Variants in STOX1 observed in about 807,000 individuals in gnomAD.
The protein encoded by STOX1 is storkhead box 1.
Under a neutral mutation model 74.8 loss-of-function variants are expected in STOX1, and 57 were observed. The ratio of observed to expected loss-of-function variants is 0.76; its 90% CI spans 0.62 to 0.95. The LOEUF is 0.95. STOX1 is among the 40% of genes least tolerant of loss of function. STOX1 has a pLI of 0.00. For synonymous variants in STOX1, 375 were observed against 401.3 expected, an observed-to-expected ratio of 0.93 and a Z score of 0.78; for missense variants, 1,010 against 1,117.0, an observed-to-expected ratio of 0.90 and a Z score of 1.37.
chr10:68,892,187 C>T (rs1841114149), intron 3 of STOX1, among the ~76,000 whole-genome samples: 1 of 151,974 alleles, frequency 6.6e-6, no homozygotes, highest in Non-Finnish European at 1.5e-5. Context: ...TAGAAAAGAA[C>T]ATTGTAATAT....
rs189378126 is a variant in STOX1, at chr10:68,845,302, C to A, written c.310+17369C>A. Among the ~76,000 whole-genome samples the A allele has an allele frequency of 4.9e-3, 629 of 128,998 alleles. 4 individuals are homozygous for A. Among genetic ancestry groups the A allele is most frequent in the African/African-American group, 0.017 (581 of 33,368 alleles). 84.6% of individuals were successfully genotyped at this position (128,998 alleles called of 152,430 possible). ...TTTTTTTTTTTTTTTGAGATGGAAT[C>A]TTGCTCTGTCACCCAGGCTGGAGTG... On this transcript the variant is annotated intron_variant, in intron 1 of 3. Coordinates refer to ENST00000298596, the MANE Select transcript of STOX1 (RefSeq NM_152709.5).
chr10:68,858,083 T>G (rs923769858), intron 1 of STOX1, among the ~76,000 whole-genome samples: 8 of 152,088 alleles, frequency 5.3e-5, no homozygotes, highest in Non-Finnish European at 7.4e-5. Context: ...GGGGTTAGGT[T>G]GTTGTGTCAG....
intron 2 of STOX1, among the ~76,000 whole-genome samples, chr10:68,882,873 T>C (rs1045551272): frequency 6.6e-6 from 1 of 152,180 alleles, no homozygotes; most frequent in South Asian, 2.1e-4. Flanking sequence ...GATCTTTCCA[T>C]GCTAACATAT....
chr10:68,838,066 T>C lies in STOX1; in HGVS notation c.310+10133T>C, dbSNP rs559529130. On this transcript the variant is annotated intron_variant, in intron 1 of 3. Transcript: ENST00000298596. ...TTGTTTTCATTTCGTTTCTTTTTTT[T>C]TTTTCTTTTTTCCTTTTTGAGATAG... 2.6e-5 allele frequency among the ~76,000 whole-genome samples: 4 copies of C among 152,172 alleles called. No homozygotes were observed. The East Asian group carries it at 7.7e-4, about 29-fold the overall frequency.
In STOX1 at chr10:68,886,224, G is replaced by C. The variant is rs1318178957; in HGVS notation, c.2428G>C (p.Gly810Arg). 3.1e-6 allele frequency: 5 copies of C among 1,614,188 alleles called. No homozygotes were observed. The highest frequency in any genetic ancestry group is 1.7e-5 in the Admixed American group (1 of 60,020). The change falls in exon 3 of 4, where the codon GGT becomes CGT. Residue 810 changes from glycine (G) to arginine (R), a missense_variant. Coordinates refer to ENST00000298596, the MANE Select transcript of STOX1 (RefSeq NM_152709.5). ...YKPTGLHATP[G>R]ESQEPNLSAE... is the part of the protein sequence containing the mutation. ...ACCCACTGGGCTGCATGCTACCCCA[G>C]GTGAAAGCCAAGAACCTAACCTCTC... is the stretch of plus-strand genomic sequence containing the variant.
At chr10:68,872,054 C>T (rs993331134) in intron 1 of STOX1, among the ~76,000 whole-genome samples, 5 of 152,096 alleles carry the variant, frequency 3.3e-5, no homozygotes, top group East Asian at 3.9e-4. Flanking sequence ...TTTATTTGCA[C>T]GCTGTTGTCA....
In STOX1 at chr10:68,838,145, C is replaced by T. The variant is rs181622964; in HGVS notation, c.310+10212C>T. 2.2e-4 allele frequency among the ~76,000 whole-genome samples: 33 copies of T among 151,716 alleles called. No individual in the cohort carries two copies. The East Asian group carries it at 6.0e-3, about 28-fold the overall frequency. ...GTCGTGGTGTGATCATGGCTCCCTGCAGCCTCGACCTCCCAGACTTAAGTG... is the reference window on the plus strand; with the variant it reads ...GTCGTGGTGTGATCATGGCTCCCTGTAGCCTCGACCTCCCAGACTTAAGTG... On this transcript the variant is annotated intron_variant, in intron 1 of 3. Transcript: ENST00000298596.
At chr10:68,894,445 G>A (rs149049621), downstream of STOX1, among the ~76,000 whole-genome samples, 6 of 152,304 alleles carry the variant, frequency 3.9e-5, no homozygotes, top group East Asian at 1.2e-3. Context: ...CAGTCCCTGT[G>A]GAAGTGCAAA....
intron 1 of STOX1, among the ~76,000 whole-genome samples, chr10:68,857,348 G>A (rs1018856437): frequency 1.3e-5 from 2 of 152,022 alleles, no homozygotes; most frequent in African/African-American, 4.8e-5. Context: ...TGAAAGGAGG[G>A]AGGAAGCATC....
intron 1 of STOX1, among the ~76,000 whole-genome samples, chr10:68,873,550 C>T (rs207471131): frequency 2.4e-5 from 3 of 124,866 alleles, no homozygotes; most frequent in South Asian, 2.8e-4. Context: ...CGTGAGCCAC[C>T]GCGCCTGGCC....
In STOX1 at chr10:68,827,627, G is replaced by A. The variant is rs1839290835; in HGVS notation, c.4G>A (p.Ala2Thr). MARPVQLAPGSL... is the reference protein window; with the variant it reads MTRPVQLAPGSL... ...GCTCCCGGCCGCCGGCGAAAGCATGGCCCGGCCCGTGCAGCTGGCGCCGGG... is the reference window on the plus strand; with the variant it reads ...GCTCCCGGCCGCCGGCGAAAGCATGACCCGGCCCGTGCAGCTGGCGCCGGG... The change falls in exon 1 of 4, where the codon GCC (alanine) becomes ACC (threonine). Residue 2 changes from alanine (A) to threonine (T), a missense_variant. Coordinates refer to ENST00000298596, the MANE Select transcript of STOX1 (RefSeq NM_152709.5). The A allele has an allele frequency of 1.7e-6, 2 of 1,148,964 alleles. No individual in the cohort carries two copies. Among genetic ancestry groups the A allele is most frequent in the Non-Finnish European group, 1.1e-6 (1 of 934,722 alleles). The allele number at this position is 1,148,964 out of a possible 1,614,324, so 71.2% of individuals were successfully genotyped here. A position where few individuals can be genotyped will look rare whatever the true frequency, so the allele number is the denominator to read the frequency against.
At position 68,852,609 on chromosome 10, in the gene STOX1, G is replaced by C. The variant is rs375151222; in HGVS notation, c.310+24676G>C. ...TCTTTTTTTTTTTTCTCCAAGACAG[G>C]GTCTCAATCTATTGCCCAGGCTGTA... On this transcript the variant is annotated intron_variant, in intron 1 of 3. Transcript: ENST00000298596. Among the ~76,000 whole-genome samples, 674 of 151,178 alleles carry C rather than the reference G, an allele frequency of 4.5e-3. 3 individuals are homozygous for C. The highest frequency in any genetic ancestry group is 0.02 in the Middle Eastern group (6 of 294).
In STOX1 at chr10:68,881,957, G is replaced by A. The variant is rs1321802863; in HGVS notation, c.311-1G>A. Reference sequence around the variant, plus strand: ...CCCTTTTTTTTAAATCTCCAATTTAGGTGATGTCTTTCCAGTGCAAATGAA... The same window carrying A: ...CCCTTTTTTTTAAATCTCCAATTTAAGTGATGTCTTTCCAGTGCAAATGAA... On this transcript the variant is annotated splice_acceptor_variant, in intron 1 of 3. Transcript: ENST00000298596. LOFTEE classifies it high-confidence loss of function. The A allele has an allele frequency of 1.9e-6, 3 of 1,611,468 alleles. No homozygotes were observed. Among genetic ancestry groups the A allele is most frequent in the East Asian group, 2.2e-5 (1 of 44,616 alleles).
chr10:68,846,150 T>TTATTATTAC (rs1274093009), intron 1 of STOX1, among the ~76,000 whole-genome samples: 1 of 145,894 alleles, frequency 6.9e-6, no homozygotes, highest in Non-Finnish European at 1.5e-5. Flanking sequence ...ATTATTATTA[T>TTATTATTAC]TATTATTATT....
At chr10:68,834,614 C>G (rs1449427257) in intron 1 of STOX1, among the ~76,000 whole-genome samples, 1 of 152,214 alleles carries the variant, frequency 6.6e-6, no homozygotes, top group Non-Finnish European at 1.5e-5. Context: ...TGTGGTAACC[C>G]ACATTCCTAG....
chr10:68,873,948 G>A (rs1182088886), intron 1 of STOX1, among the ~76,000 whole-genome samples: 2 of 126,724 alleles, frequency 1.6e-5, no homozygotes, highest in Non-Finnish European at 3.3e-5. Context: ...TGCACCCAGC[G>A]TTTTTGTTTG....
In STOX1 at chr10:68,867,961, G is replaced by C. The variant is rs532693473; in HGVS notation, c.311-13997G>C. 7.3e-5 allele frequency among the ~76,000 whole-genome samples: 11 copies of C among 151,664 alleles called. 1 individual carries two copies. In the South Asian group the frequency reaches 2.3e-3, roughly 31 times the overall value. ...ACTCAAATAAGCCTCATGCCTGTTC[G>C]ACCCTTGTCTTATTTTTACCCTGAT... On this transcript the variant is annotated intron_variant, in intron 1 of 3. Coordinates refer to ENST00000298596, the MANE Select transcript of STOX1 (RefSeq NM_152709.5).
chr10:68,860,446 T>C (rs564928421), intron 1 of STOX1, among the ~76,000 whole-genome samples: 18 of 151,566 alleles, frequency 1.2e-4, no homozygotes, highest in Non-Finnish European at 2.2e-4. Flanking sequence ...GGCAGGAGCC[T>C]GTAATCCCAG....
chr10:68,842,519 A>G (rs1432651173), intron 1 of STOX1, among the ~76,000 whole-genome samples: 3 of 147,982 alleles, frequency 2.0e-5, no homozygotes, highest in Non-Finnish European at 4.4e-5. Flanking sequence ...GTGCCTCTCC[A>G]TGGCTCTGTA....
Sources: gnomAD v4.1 joint callset for allele counts (sites outside exome capture counted in the v4.1 genomes callset) on GRCh38, gnomAD v4.1.1 for gene constraint, MANE v1.5 for transcripts, NCBI Gene and HGNC (gene_info 2026-07-23, HGNC 2026-07-21) for gene names.